ACACA: variants seen among roughly 807,000 people sequenced by gnomAD.
ACACA encodes acetyl-CoA carboxylase alpha, also known as acetyl-CoA carboxylase 1.
In ACACA, 103 loss-of-function variants were observed where a neutral mutation model predicts 296.1. The observed-to-expected ratio is 0.35, with a 90% CI of 0.30 to 0.41. The LOEUF (loss-of-function observed/expected upper bound fraction) is 0.41, where lower values mean the gene tolerates loss of function less well. ACACA is among the 10% of genes least tolerant of loss of function. The probability of loss-of-function intolerance (pLI) is 1.00; values close to 1 mark genes in which losing one functional copy is unlikely to be tolerated. For synonymous variants in ACACA, 953 were observed against 1,038.6 expected (o/e 0.92, Z 1.58); for missense variants, 1,554 against 2,989.7 (o/e 0.52, Z 11.20).
At chr17:37,349,561 CTT>C (rs71135708) in intron 1 of ACACA, among the ~76,000 whole-genome samples, 6 of 134,828 alleles carry the variant, frequency 4.5e-5, no homozygotes, top group Non-Finnish European at 4.8e-5. Context: ...ATATATATAG[CTT>C]TTTTTTTTTT....
chr17:37,334,816 C>G (rs373007624), intron 2 of ACACA, among the ~76,000 whole-genome samples: 2 of 134,452 alleles, frequency 1.5e-5, no homozygotes, highest in Non-Finnish European at 3.2e-5. Context: ...TGCAGCGTCC[C>G]GGAAATATTG....
At chr17:37,250,340 C>T (rs2080923676) in intron 16 of ACACA, among the ~76,000 whole-genome samples, 1 of 152,132 alleles carries the variant, frequency 6.6e-6, no homozygotes, top group South Asian at 2.1e-4. Context: ...GTTAACTGTT[C>T]TTAAAGATAA....
intron 22 of ACACA, among the ~76,000 whole-genome samples, chr17:37,242,333 C>T (rs2080454877): frequency 6.6e-6 from 1 of 152,200 alleles, no homozygotes; most frequent in Non-Finnish European, 1.5e-5. Context: ...AAGATCCAAA[C>T]ATCACTCCCC....
At chr17:37,371,670 C>T (rs574467021) in intron 1 of ACACA, among the ~76,000 whole-genome samples, 37 of 151,876 alleles carry the variant, frequency 2.4e-4, no homozygotes, top group African/African-American at 8.2e-4. Flanking sequence ...GAGGCTGAGG[C>T]GGGTGGACCA....
chr17:37,342,976 A>AT (rs939888027), intron 1 of ACACA, among the ~76,000 whole-genome samples: 2 of 150,492 alleles, frequency 1.3e-5, no homozygotes, highest in Non-Finnish European at 1.5e-5. Flanking sequence ...TCATTCAGAA[A>AT]TTTTTTTTTT....
rs2080736470 is a variant in ACACA at position 37,246,932 on chromosome 17, T to C, written c.2354A>G (p.Glu785Gly). 1 of 1,614,044 alleles carries C rather than the reference T, an allele frequency of 6.2e-7. No individual in the cohort carries two copies. The highest frequency in any genetic ancestry group is 1.1e-5 in the South Asian group (1 of 91,072). Residue 785 changes from glutamate (E) to glycine (G), a missense_variant, in exon 19 of 56, where the codon GAA becomes GGA. This residue lies in a region of ACACA where 316 missense variants were observed against 540.9 expected (regional missense o/e 0.58). Transcript: ENST00000616317. Reference sequence around the variant, plus strand: ...TGAGCGCATCACCGATGGGTCATTTTCCTTCTCAAACACACAGGTTTTATT... The same window carrying C: ...TGAGCGCATCACCGATGGGTCATTTCCCTTCTCAAACACACAGGTTTTATT... ...IGNKTCVFEK[E>G]NDPSVMRSPS...
Position 37,097,123 on chromosome 17 carries a change from C to G in ACACA, c.6764G>C (p.Arg2255Pro). 1 of 1,614,016 alleles carries G rather than the reference C, an allele frequency of 6.2e-7. No individual in the cohort carries two copies. The highest frequency in any genetic ancestry group is 8.5e-7 in the Non-Finnish European group (1 of 1,180,032). ...GTCCTCCAGCAGAAGACGCCTCAGC[C>G]GCCAGTAGAAGAAGGTACGGGATGT... ...WKTSRTFFYW[R>P]LRRLLLEDLV... Residue 2255 changes from arginine (R) to proline (P), a missense_variant, in exon 54 of 56, where the codon CGG (arginine) becomes CCG (proline). Coordinates refer to ENST00000616317, the MANE Select transcript of ACACA (RefSeq NM_198834.3). The surrounding 1 kb of genome is among the most constrained non-coding windows in gnomAD (Gnocchi z 4.8).
At chr17:37,120,024 C>T (rs2074450705) in intron 50 of ACACA, among the ~76,000 whole-genome samples, 1 of 151,120 alleles carries the variant, frequency 6.6e-6, no homozygotes, top group African/African-American at 2.4e-5. Context: ...TCCCAAGTAG[C>T]TAGGGATTAT....
chr17:37,358,402 T>G (rs2049240199), intron 1 of ACACA, among the ~76,000 whole-genome samples: 1 of 152,184 alleles, frequency 6.6e-6, no homozygotes, highest in Non-Finnish European at 1.5e-5. Flanking sequence ...GCATGTACAT[T>G]TACTATGTCC....
intron 3 of ACACA, among the ~76,000 whole-genome samples, chr17:37,323,335 C>G (rs1207456133): frequency 6.6e-6 from 1 of 152,268 alleles, no homozygotes; most frequent in Non-Finnish European, 1.5e-5. Flanking sequence ...TAGCTCACAC[C>G]TGTCATCCCA....
intron 35 of ACACA, among the ~76,000 whole-genome samples, chr17:37,195,455 AC>A (rs1304074527): frequency 6.6e-6 from 1 of 152,170 alleles, no homozygotes; most frequent in Non-Finnish European, 1.5e-5. Context: ...GGCAATGACT[AC>A]CAATTAGAAA....
At chr17:37,214,010 CAT>C (rs1387268201) in intron 29 of ACACA, among the ~76,000 whole-genome samples, 2 of 151,966 alleles carry the variant, frequency 1.3e-5, no homozygotes, top group Non-Finnish European at 2.9e-5. Flanking sequence ...AAAAAGAGCC[CAT>C]ATGAAAATGA....
chr17:37,271,997 G>A (rs1453160701), intron 9 of ACACA, among the ~76,000 whole-genome samples: 1 of 152,032 alleles, frequency 6.6e-6, no homozygotes, highest in East Asian at 1.9e-4. Flanking sequence ...TCATTCCTTT[G>A]TCAAAATATT....
chr17:37,235,247 G>T, intron 24 of ACACA, 148 bp from the exon 25 acceptor site: 1 of 1,064,398 alleles, frequency 9.4e-7, no homozygotes, highest in Non-Finnish European at 1.4e-6. Context: ...ACAGAAACTG[G>T]CAATGTGATT....
At position 37,095,153 on chromosome 17, in the gene ACACA, G is replaced by T. The variant is rs182251104; in HGVS notation, c.6891+1843C>A. ...GGACACGTCCATTAGTGACTAATGT[G>T]GTAGGGAGGCAGTGCAGGCCTCTCC... is the stretch of plus-strand genomic sequence containing the variant. On this transcript the variant is annotated intron_variant, in intron 54 of 55. Transcript: ENST00000616317. Among the ~76,000 whole-genome samples the T allele has an allele frequency of 2.2e-3, 342 of 152,332 alleles. 3 individuals are homozygous for T. The South Asian group carries it at 0.033, about 15-fold the overall frequency.
intron 45 of ACACA, among the ~76,000 whole-genome samples, chr17:37,139,673 C>T (rs575354049): frequency 7.2e-5 from 11 of 152,316 alleles, no homozygotes; most frequent in African/African-American, 2.4e-4. Context: ...AGGAGATAAT[C>T]GGGCTCCGAA....
At chr17:37,115,014 C>T (rs1247404362) in intron 50 of ACACA, among the ~76,000 whole-genome samples, 2 of 152,244 alleles carry the variant, frequency 1.3e-5, no homozygotes, top group Non-Finnish European at 2.9e-5. Context: ...AAGGCACATG[C>T]TCCACTGCCC....
At position 37,241,923 on chromosome 17, in the gene ACACA, G is replaced by C. The variant is rs774684614; in HGVS notation, c.3032+30C>G. On this transcript the variant is annotated intron_variant, in intron 23 of 55. Coordinates refer to ENST00000616317, the MANE Select transcript of ACACA (RefSeq NM_198834.3). ...GAAAGGAAGACATGAGTATGGACAGGTCTGGGAATCTGGAGTTACAAGTTA... is the reference window on the plus strand; with the variant it reads ...GAAAGGAAGACATGAGTATGGACAGCTCTGGGAATCTGGAGTTACAAGTTA... The C allele has an allele frequency of 2.6e-6, 4 of 1,566,890 alleles. No homozygotes were observed. The South Asian group carries it at 4.4e-5, about 17-fold the overall frequency.
Position 37,173,979 on chromosome 17 carries a change from AATTTATATATAT to A in ACACA, c.5079+5269_5079+5280del, listed in dbSNP as rs1567761069. 1.1e-3 allele frequency among the ~76,000 whole-genome samples: 46 copies of A among 41,868 alleles called. 1 individual carries two copies. Among genetic ancestry groups the A allele is most frequent in the African/African-American group, 3.6e-3 (46 of 12,782 alleles). The allele number at this position is 41,868 out of a possible 152,430, so 27.5% of individuals were successfully genotyped here. A position where few individuals can be genotyped will look rare whatever the true frequency, so the allele number is the denominator to read the frequency against. ...CAGGCGCCTGCCAACACGCCTGGCT[AATTTATATATAT>A]ATATATATATATATATATATATATA... On this transcript the variant is annotated intron_variant, in intron 41 of 55. Coordinates refer to ENST00000616317, the MANE Select transcript of ACACA (RefSeq NM_198834.3).
Sources: gnomAD v4.1 joint callset for allele counts (sites outside exome capture counted in the v4.1 genomes callset) on GRCh38, gnomAD v4.1.1 for gene constraint, gnomAD v4.1.1 regional missense constraint, Gnocchi (gnomAD v3.1) non-coding constraint, MANE v1.5 for transcripts, NCBI Gene and HGNC (gene_info 2026-07-23, HGNC 2026-07-21) for gene names.